The following NRXN1 variants were observed in gnomAD, a reference collection of about 807,000 sequenced individuals.
The protein encoded by NRXN1 is neurexin 1, also known as neurexin-1.
A neutral mutation model predicts 150.9 loss-of-function variants in NRXN1; 39 were observed. That is an observed-to-expected ratio of 0.26 (90% CI 0.20 to 0.34). The LOEUF is 0.34. Among genes scored for constraint, NRXN1 ranks in the 10% least tolerant of loss-of-function variants. The pLI, the probability that NRXN1 is intolerant of heterozygous loss-of-function variation, is 1.00. For missense variants in NRXN1, 1,815 were observed against 1,949.9 expected, an observed-to-expected ratio of 0.93 and a Z score of 1.30; for synonymous variants, 924 against 757.0, an observed-to-expected ratio of 1.22 and a Z score of -3.62.
intron 5 of NRXN1, among the ~76,000 whole-genome samples, chr2:50,731,670 C>T (rs1267699917): frequency 6.6e-6 from 1 of 152,106 alleles, no homozygotes; most frequent in African/African-American, 2.4e-5. Flanking sequence ...TCTATTGTGT[C>T]AGACTAAGAG....
intron 19 of NRXN1, among the ~76,000 whole-genome samples, chr2:50,089,404 C>G (rs1296143196): frequency 6.6e-6 from 1 of 152,164 alleles, no homozygotes; most frequent in Non-Finnish European, 1.5e-5. Context: ...TTTCTCTCAG[C>G]AAATAGGCAG....
intron 5 of NRXN1, among the ~76,000 whole-genome samples, chr2:50,870,248 C>T (rs1051338616): frequency 1.3e-5 from 2 of 151,758 alleles, no homozygotes; most frequent in Non-Finnish European, 2.9e-5. Context: ...ACCAAATAAC[C>T]ATAGGTTTAA....
chr2:50,808,451 G>C (rs1056526239), intron 5 of NRXN1, among the ~76,000 whole-genome samples: 5 of 151,858 alleles, frequency 3.3e-5, no homozygotes, highest in African/African-American at 7.3e-5. Flanking sequence ...AAGAGATATA[G>C]CTTTTAATAA....
At chr2:50,857,827 C>A (rs2106010946) in intron 5 of NRXN1, among the ~76,000 whole-genome samples, 1 of 148,986 alleles carries the variant, frequency 6.7e-6, no homozygotes, top group Non-Finnish European at 1.5e-5. Flanking sequence ...TTAAAAAAAA[C>A]AGACAATGGA....
chr2:50,694,508 G>C (rs1692537806), intron 5 of NRXN1, among the ~76,000 whole-genome samples: 1 of 152,136 alleles, frequency 6.6e-6, no homozygotes, highest in Admixed American at 6.5e-5. Context: ...ATATTTGTTA[G>C]TTGAAATAAT....
chr2:50,240,840 C>T (rs1185846516), intron 17 of NRXN1, among the ~76,000 whole-genome samples: 1 of 151,526 alleles, frequency 6.6e-6, no homozygotes, highest in Admixed American at 6.6e-5. Flanking sequence ...GTGATAAATG[C>T]CTAATAAATT....
At chr2:50,172,041 A>G (rs907534605) in intron 18 of NRXN1, among the ~76,000 whole-genome samples, 12 of 152,212 alleles carry the variant, frequency 7.9e-5, no homozygotes, top group African/African-American at 2.9e-4. Flanking sequence ...AGAATTCAGT[A>G]CCTATTTATC....
chr2:50,100,221 G>T (rs545390572), intron 18 of NRXN1, among the ~76,000 whole-genome samples: 4 of 152,210 alleles, frequency 2.6e-5, no homozygotes, highest in Non-Finnish European at 5.9e-5. Flanking sequence ...AACCATGTAT[G>T]TTTCTTCCCA....
chr2:50,524,549 C>G (rs115913880), intron 12 of NRXN1, among the ~76,000 whole-genome samples: 1 of 151,476 alleles, frequency 6.6e-6, no homozygotes, highest in Non-Finnish European at 1.5e-5. Flanking sequence ...TGTCCCTAAG[C>G]CTTCCAGTGA....
At chr2:50,493,393 G>T (rs1482290459) in intron 15 of NRXN1, among the ~76,000 whole-genome samples, 1 of 152,096 alleles carries the variant, frequency 6.6e-6, no homozygotes, top group East Asian at 1.9e-4. Flanking sequence ...GTCCCAGCTT[G>T]GTTTCAATGC....
intron 8 of NRXN1, among the ~76,000 whole-genome samples, chr2:50,574,514 A>C (rs1671107908): frequency 6.6e-6 from 1 of 152,084 alleles, no homozygotes; most frequent in African/African-American, 2.4e-5. Context: ...AATTAACTTC[A>C]AACAGAAGAG....
chr2:50,053,145 T>C lies in NRXN1; in HGVS notation c.4128+126A>G, dbSNP rs1363050. ...ACGGAATGCATTATGTTAAGCTAGT[T>C]TCAAAGGAAGCTGTAGTGCCTAAGA... On this transcript the variant is annotated intron_variant, in intron 21 of 22. Coordinates refer to ENST00000401669, the MANE Select transcript of NRXN1 (RefSeq NM_001330078.2). 641,223 of 916,516 alleles carry C rather than the reference T, an allele frequency of 0.7. 226,245 individuals carry two copies. Among genetic ancestry groups the C allele is most frequent in the African/African-American group, 0.91 (55,783 of 61,062 alleles). 56.8% of individuals were successfully genotyped at this position (916,516 alleles called of 1,614,324 possible).
intron 18 of NRXN1, among the ~76,000 whole-genome samples, chr2:50,165,682 G>C (rs1271507806): frequency 1.3e-5 from 2 of 152,126 alleles, no homozygotes; most frequent in Non-Finnish European, 2.9e-5. Flanking sequence ...AGGTCTCTGA[G>C]CCTTACTTTC....
chr2:50,230,505 A>G (rs11681755), intron 18 of NRXN1, among the ~76,000 whole-genome samples: 14,340 of 152,110 alleles, frequency 0.094, 826 homozygotes, highest in South Asian at 0.14. Flanking sequence ...TTAACCTGCC[A>G]TAAGTATATA....
At chr2:50,001,447 G>A (rs557020963) in intron 21 of NRXN1, among the ~76,000 whole-genome samples, 19 of 152,010 alleles carry the variant, frequency 1.2e-4, no homozygotes, top group Non-Finnish European at 2.6e-4. Context: ...AGTATGTAAA[G>A]CATTTAGGGG....
intron 2 of NRXN1, among the ~76,000 whole-genome samples, chr2:50,931,486 G>A (rs969525200): frequency 1.3e-5 from 2 of 151,812 alleles, no homozygotes; most frequent in African/African-American, 2.4e-5. Flanking sequence ...TGACCGACCT[G>A]ACAATTATAC....
intron 18 of NRXN1, among the ~76,000 whole-genome samples, chr2:50,206,871 A>G (rs2062621771): frequency 6.7e-6 from 1 of 149,472 alleles, no homozygotes; most frequent in South Asian, 2.1e-4. Flanking sequence ...ACACACACAC[A>G]GAAATGGGCA....
chr2:50,665,397 C>T (rs939349053), intron 5 of NRXN1, among the ~76,000 whole-genome samples: 4 of 151,874 alleles, frequency 2.6e-5, no homozygotes, highest in African/African-American at 9.7e-5. Context: ...TTTCATGCAG[C>T]AACATCTCAA....
chr2:50,465,647 C>T, intron 16 of NRXN1, 86 bp from the exon 17 acceptor site: 1 of 1,385,386 alleles, frequency 7.2e-7, no homozygotes, highest in Non-Finnish European at 9.7e-7. Flanking sequence ...GTAGTAGTTG[C>T]CAACACCACA....
Sources: allele counts gnomAD v4.1 joint callset (sites outside exome capture counted in the v4.1 genomes callset), GRCh38; gene constraint gnomAD v4.1.1; transcripts MANE v1.5; gene names NCBI Gene and HGNC (gene_info 2026-07-23, HGNC 2026-07-21).